Variants in ZSWIM9 observed in about 807,000 individuals in gnomAD.
The protein encoded by ZSWIM9 is zinc finger SWIM-type containing 9.
In ZSWIM9, 11 loss-of-function variants were observed where a neutral mutation model predicts 25.0. The observed-to-expected ratio is 0.44, with a 90% CI of 0.28 to 0.73. The LOEUF (loss-of-function observed/expected upper bound fraction) is 0.73, where lower values mean the gene tolerates loss of function less well. Among genes scored for constraint, ZSWIM9 ranks in the 30% least tolerant of loss-of-function variants. ZSWIM9 has a pLI of 0.16. For missense variants in ZSWIM9, 1,070 were observed against 1,296.5 expected, an observed-to-expected ratio of 0.83 and a Z score of 2.68; for synonymous variants, 562 against 582.1, an observed-to-expected ratio of 0.97 and a Z score of 0.50.
At position 48,195,960 on chromosome 19, in the gene ZSWIM9, GCA is replaced by G. The variant is rs2037159046; in HGVS notation, c.1898_1899del (p.His633ArgfsTer2). 1 of 1,320,132 alleles carries G rather than the reference GCA, an allele frequency of 7.6e-7. No homozygotes were observed. Among genetic ancestry groups the G allele is most frequent in the Admixed American group, 3.9e-5 (1 of 25,838 alleles). The allele number at this position is 1,320,132 out of a possible 1,614,324, so 81.8% of individuals were successfully genotyped here. ...EGSPWRGAQL[H>X]DERAGGLRTA... ...GAAGCCCCTGGAGGGGGGCGCAGCTGCACGATGAAAGGGCAGGGGGACTGAGA... is the reference window on the plus strand; with the variant it reads ...GAAGCCCCTGGAGGGGGGCGCAGCTGCGATGAAAGGGCAGGGGGACTGAGA... On this transcript the variant is annotated frameshift_variant, in exon 4 of 4. Transcript: ENST00000614654. LOFTEE classifies it low-confidence loss of function (END_TRUNC). This position sits in a 1 kb window ranked among gnomAD's most constrained non-coding sequence, Gnocchi z 5.8.
chr19:48,190,020 T>A (rs1173435938), intron 3 of ZSWIM9, among the ~76,000 whole-genome samples: 2 of 151,984 alleles, frequency 1.3e-5, no homozygotes, highest in East Asian at 3.9e-4. Flanking sequence ...TTGGCCAACA[T>A]GGTGAAACCC....
chr19:48,184,923 A>C (rs915913828), intron 3 of ZSWIM9, among the ~76,000 whole-genome samples: 6 of 152,096 alleles, frequency 3.9e-5, no homozygotes, highest in African/African-American at 1.4e-4. Flanking sequence ...TTGCTGATCT[A>C]GTAACTCTCC....
At chr19:48,186,824 C>G (rs1321347485) in intron 3 of ZSWIM9, 1 of 153,450 alleles carries the variant, frequency 6.5e-6, no homozygotes, top group African/African-American at 2.4e-5. Flanking sequence ...CACTCAGTAC[C>G]CACTTGGGGT....
At chr19:48,179,158 CTTTCT>C (rs757134737) in intron 2 of ZSWIM9, among the ~76,000 whole-genome samples, 5 of 151,888 alleles carry the variant, frequency 3.3e-5, no homozygotes, top group African/African-American at 9.7e-5. Context: ...TTCCTATTCC[CTTTCT>C]TTTATTTTCT....
intron 3 of ZSWIM9, among the ~76,000 whole-genome samples, chr19:48,192,168 G>C (rs2037100768): frequency 6.6e-6 from 1 of 151,660 alleles, no homozygotes; most frequent in African/African-American, 2.4e-5. Flanking sequence ...TCAGTGGTGT[G>C]TCTCATTTGT....
chr19:48,196,017 A>G lies in ZSWIM9; in HGVS notation c.1953A>G (p.Glu651=). Residue 651 remains glutamate, a synonymous_variant, in exon 4 of 4, where the codon GAA becomes GAG. Coordinates refer to ENST00000614654, the MANE Select transcript of ZSWIM9 (RefSeq NM_199341.4). ...RTAEWKGPQS[E]VEKGRGLEVR... ...CAGAATGGAAGGGGCCACAGTCAGA[A>G]GTAGAGAAGGGGAGGGGGCTGGAGG... The G allele has an allele frequency of 7.8e-7, 1 of 1,274,044 alleles. No individual in the cohort carries two copies. The highest frequency in any genetic ancestry group is 9.9e-7 in the Non-Finnish European group (1 of 1,012,378). 78.9% of individuals were successfully genotyped at this position (1,274,044 alleles called of 1,614,324 possible).
At chr19:48,171,151 A>C (rs925562439) in intron 1 of ZSWIM9, 63 of 834,146 alleles carry the variant, frequency 7.6e-5, no homozygotes, top group Non-Finnish European at 9.0e-5. Flanking sequence ...GGGAAGCCCC[A>C]GCTACAGCTG....
chr19:48,190,909 C>T (rs1433250744), intron 3 of ZSWIM9, among the ~76,000 whole-genome samples: 1 of 152,188 alleles, frequency 6.6e-6, no homozygotes, highest in Non-Finnish European at 1.5e-5. Context: ...ATTTATGTTG[C>T]TATGTGCTGA....
At chr19:48,171,727 G>A in intron 1 of ZSWIM9, 67 bp from the exon 2 acceptor site, 1 of 1,416,810 alleles carries the variant, frequency 7.1e-7, no homozygotes, top group Non-Finnish European at 9.3e-7. Context: ...GGCCAAGAAT[G>A]GAGTAGATGA....
Position 48,196,650 on chromosome 19 carries a change from T to G in ZSWIM9, c.2586T>G (p.Leu862=). ...ACTGGACCGGAGCTGGCTTTGCCCT[T>G]AAGGACGGCACCTCGGACTTCTTCC... ...GFHWTGAGFA[L]KDGTSDFFLD... is the part of the protein sequence containing the mutation. Residue 862 remains leucine (L), a synonymous_variant, in exon 4 of 4, where the codon CTT becomes CTG. Transcript: ENST00000614654. 3 of 1,232,724 alleles carry G rather than the reference T, an allele frequency of 2.4e-6. No homozygotes were observed. Among genetic ancestry groups the G allele is most frequent in the Non-Finnish European group, 3.0e-6 (3 of 988,424 alleles). The allele number at this position is 1,232,724 out of a possible 1,614,324, so 76.4% of individuals were successfully genotyped here.
chr19:48,183,806 T>G (rs990531276), intron 3 of ZSWIM9, among the ~76,000 whole-genome samples: 5 of 150,558 alleles, frequency 3.3e-5, no homozygotes, highest in Non-Finnish European at 4.4e-5. Context: ...CCAGCTAATT[T>G]TTTAGTTTTT....
chr19:48,171,246 G>C, intron 1 of ZSWIM9: 1 of 985,424 alleles, frequency 1.0e-6, no homozygotes, highest in Non-Finnish European at 1.2e-6. Flanking sequence ...GGAGCCACAG[G>C]TGCATGAAGC....
At chr19:48,171,740 T>C (rs2036817351) in intron 1 of ZSWIM9, 54 bp from the exon 2 acceptor site, 2 of 1,461,334 alleles carry the variant, frequency 1.4e-6, no homozygotes, top group Middle Eastern at 2.5e-4. Context: ...GTAGATGAGA[T>C]ACCCCGGGTG....
Position 48,194,574 on chromosome 19 carries a change from A to C in ZSWIM9, c.589-79A>C. 2 of 1,332,658 alleles carry C rather than the reference A, an allele frequency of 1.5e-6. No homozygotes were observed. Among genetic ancestry groups the C allele is most frequent in the Non-Finnish European group, 1.9e-6 (2 of 1,035,534 alleles). 82.6% of individuals were successfully genotyped at this position (1,332,658 alleles called of 1,614,324 possible). ...GGTGGTCCCATTTCCGTAGAAGGGG[A>C]AACCGAGGTCGGGGAGCTGGGCGGG... On this transcript the variant is annotated intron_variant, in intron 3 of 3. Transcript: ENST00000614654. The surrounding 1 kb of genome is among the most constrained non-coding windows in gnomAD (Gnocchi z 6.0).
rs754002281 is a variant in ZSWIM9, at chr19:48,195,564, G to A, written c.1500G>A (p.Leu500=). The A allele has an allele frequency of 3.7e-5, 52 of 1,416,352 alleles. No homozygotes were observed. Among genetic ancestry groups the A allele is most frequent in the Non-Finnish European group, 4.4e-5 (48 of 1,090,972 alleles). The allele number at this position is 1,416,352 out of a possible 1,614,324, so 87.7% of individuals were successfully genotyped here. A position where few individuals can be genotyped will look rare whatever the true frequency, so the allele number is the denominator to read the frequency against. The change falls in exon 4 of 4, where the codon CTG becomes CTA. Residue 500 remains leucine (L), a synonymous_variant. Coordinates refer to ENST00000614654, the MANE Select transcript of ZSWIM9 (RefSeq NM_199341.4). The surrounding 1 kb of genome is among the most constrained non-coding windows in gnomAD (Gnocchi z 5.8). Reference sequence around the variant, plus strand: ...TGGAGAAGGAGTGGGCAAGGGCACTGGAAACCAGAGACTGGGGCGGGGCTC... The same window carrying A: ...TGGAGAAGGAGTGGGCAAGGGCACTAGAAACCAGAGACTGGGGCGGGGCTC... The part of the protein sequence containing the change: ...AQMEKEWARA[L]ETRDWGGAQF...
intron 3 of ZSWIM9, among the ~76,000 whole-genome samples, chr19:48,191,240 T>C (rs2037091607): frequency 6.6e-6 from 1 of 152,174 alleles, no homozygotes; most frequent in South Asian, 2.1e-4. Context: ...AGTCTCTCTC[T>C]GTCGCCCAGG....
At chr19:48,188,827 C>T (rs781563114) in intron 3 of ZSWIM9, among the ~76,000 whole-genome samples, 2 of 151,724 alleles carry the variant, frequency 1.3e-5, no homozygotes, top group African/African-American at 4.8e-5. Flanking sequence ...GTCAGGAGAT[C>T]GAGACCAGCC....
At chr19:48,174,758 A>C (rs1010197898) in intron 2 of ZSWIM9, 5 of 152,192 alleles carry the variant, frequency 3.3e-5, no homozygotes, top group Non-Finnish European at 5.9e-5. Context: ...GAAACCTAGA[A>C]CGTTAGAGCT....
chr19:48,177,335 G>A (rs2036903830), intron 2 of ZSWIM9, among the ~76,000 whole-genome samples: 1 of 152,182 alleles, frequency 6.6e-6, no homozygotes, highest in South Asian at 2.1e-4. Flanking sequence ...ATATCCCAGA[G>A]TAGGTGTGCC....
Sources: gnomAD v4.1 joint callset for allele counts (sites outside exome capture counted in the v4.1 genomes callset) on GRCh38, gnomAD v4.1.1 for gene constraint, Gnocchi (gnomAD v3.1) non-coding constraint, MANE v1.5 for transcripts, NCBI Gene and HGNC (gene_info 2026-07-23, HGNC 2026-07-21) for gene names.